The following KIF13B variants were observed in gnomAD, a reference collection of about 807,000 sequenced individuals.
The protein encoded by KIF13B is kinesin-like protein KIF13B.
In KIF13B, 127 loss-of-function variants were observed where a neutral mutation model predicts 222.0. The observed-to-expected ratio is 0.57, with a 90% CI of 0.50 to 0.66. KIF13B has a LOEUF of 0.66. KIF13B is among the 30% of genes least tolerant of loss of function. KIF13B has a pLI of 0.00. For missense variants in KIF13B, 2,173 were observed against 2,379.0 expected (o/e 0.91, Z 1.80); for synonymous variants, 976 against 919.0 (o/e 1.06, Z -1.12).
intron 29 of KIF13B, 35 bp from the exon 30 acceptor site, chr8:29,119,027 C>G: frequency 6.3e-7 from 1 of 1,599,924 alleles, no homozygotes; most frequent in Non-Finnish European, 8.5e-7. Flanking sequence ...ATACTGAGAT[C>G]ATTTTCAAGG....
chr8:29,177,703 AACAGCCTGGGCAAC>A (rs1378574599), intron 8 of KIF13B, 125 bp from the exon 9 acceptor site: 18 of 704,104 alleles, frequency 2.6e-5, no homozygotes, highest in Non-Finnish European at 4.1e-5. Context: ...GGATTTCAAA[AACAGCCTGGGCAAC>A]ACAGCAAAAT....
At chr8:29,232,609 C>CT (rs896098229) in intron 2 of KIF13B, among the ~76,000 whole-genome samples, 13 of 151,700 alleles carry the variant, frequency 8.6e-5, no homozygotes, top group Non-Finnish European at 7.4e-5. Context: ...TTACAGTTTT[C>CT]TTTTTTTTAC....
chr8:29,071,247 C>T lies in KIF13B; in HGVS notation c.5218+373G>A, dbSNP rs181238074. On this transcript the variant is annotated intron_variant, in intron 39 of 39. Coordinates refer to ENST00000524189, the MANE Select transcript of KIF13B (RefSeq NM_015254.4). The surrounding 1 kb of genome is among the most constrained non-coding windows in gnomAD (Gnocchi z 4.9). ...GAGTCAGAGGCCAGCGAGATGTGTCCGGATGGGGTGAGGAAGAGCCTCCTG... is the reference window on the plus strand; with the variant it reads ...GAGTCAGAGGCCAGCGAGATGTGTCTGGATGGGGTGAGGAAGAGCCTCCTG... Among the ~76,000 whole-genome samples the T allele has an allele frequency of 8.5e-5, 13 of 152,240 alleles. No homozygotes were observed. Among genetic ancestry groups the T allele is most frequent in the Admixed American group, 4.6e-4 (7 of 15,292 alleles).
intron 6 of KIF13B, among the ~76,000 whole-genome samples, chr8:29,185,504 C>T (rs181913494): frequency 5.1e-4 from 78 of 152,320 alleles, no homozygotes; most frequent in Middle Eastern, 6.8e-3. Context: ...CACTGAGCAT[C>T]AATTCAATCT....
Position 29,068,073 on chromosome 8 carries a change from A to C in KIF13B, c.*2431T>G, listed in dbSNP as rs952629819. On this transcript the variant is annotated 3_prime_UTR_variant, in exon 40 of 40. Coordinates refer to ENST00000524189, the MANE Select transcript of KIF13B (RefSeq NM_015254.4). The surrounding 1 kb of genome is among the most constrained non-coding windows in gnomAD (Gnocchi z 4.4). The stretch of plus-strand genomic sequence containing the variant: ...CACACAATGGGGAGGCAGGGCCCCC[A>C]GAAGCATCCCCCACCCCCATCTCTG... The C allele has an allele frequency of 1.3e-5, 2 of 152,368 alleles. No individual in the cohort carries two copies. The highest frequency in any genetic ancestry group is 4.8e-5 in the African/African-American group (2 of 41,426). 9.4% of individuals were successfully genotyped at this position (152,368 alleles called of 1,614,324 possible).
chr8:29,148,636 A>T lies in KIF13B; in HGVS notation c.1754T>A (p.Val585Asp), dbSNP rs74341557. ...CTGTGCGTATTCGTAATTAAAGTTA[A>T]CTTCACTGGACACCTCGCTGGAGGA... is the stretch of plus-strand genomic sequence containing the variant. ...GDSSSEVSSE[V>D]NFNYEYAQME... Residue 585 changes from valine to aspartate, a missense_variant, in exon 16 of 40, where the codon GTT becomes GAT. Physicochemically the swap from Val to Asp is radical, Grantham distance 152. This residue lies in a region of KIF13B where 1,480 missense variants were observed against 1,722.8 expected (regional missense o/e 0.86). Coordinates refer to ENST00000524189, the MANE Select transcript of KIF13B (RefSeq NM_015254.4). 3.9e-4 allele frequency: 630 copies of T among 1,612,834 alleles called. 3 individuals carry two copies. In the African/African-American group the frequency reaches 7.7e-3, roughly 20 times the overall value.
In KIF13B at chr8:29,122,404, T is replaced by C. The variant is rs79250729; in HGVS notation, c.3535+187A>G. Among the ~76,000 whole-genome samples the C allele has an allele frequency of 4.9e-3, 739 of 152,346 alleles. 6 individuals carry two copies. Among genetic ancestry groups the C allele is most frequent in the Non-Finnish European group, 5.3e-3 (361 of 68,034 alleles). ...GGAGTATGGTGAAGCACGCCTATTA[T>C]TGTCATAAACATGAGACTATGACAC... On this transcript the variant is annotated intron_variant, in intron 29 of 39. Transcript: ENST00000524189.
At chr8:29,138,804 G>T (rs4732906) in intron 21 of KIF13B, among the ~76,000 whole-genome samples, 5 of 152,150 alleles carry the variant, frequency 3.3e-5, no homozygotes, top group East Asian at 1.9e-4. Flanking sequence ...AAGAGAAAGC[G>T]AGCGAGTGAG....
At position 29,228,472 on chromosome 8, in the gene KIF13B, A is replaced by AAAATATATATATATATATATATATAT; in HGVS notation, c.149+16873_149+16874insATATATATATATATATATATATATTT. 4.3e-5 allele frequency among the ~76,000 whole-genome samples: 5 copies of AAAATATATATATATATATATATATAT among 117,074 alleles called. No individual in the cohort carries two copies. The South Asian group carries it at 8.6e-4, about 20-fold the overall frequency. The allele number at this position is 117,074 out of a possible 152,430, so 76.8% of individuals were successfully genotyped here. On this transcript the variant is annotated intron_variant, in intron 2 of 39. Coordinates refer to ENST00000524189, the MANE Select transcript of KIF13B (RefSeq NM_015254.4). ...ACAGAGCCAGACTCCATCTTAAAAA[A>AAAATATATATATATATATATATATAT]ATATATATATATATATATGAGATAC...
intron 35 of KIF13B, among the ~76,000 whole-genome samples, chr8:29,104,329 C>A (rs1448188160): frequency 6.6e-6 from 1 of 152,126 alleles, no homozygotes; most frequent in African/African-American, 2.4e-5. Flanking sequence ...CCCGATGTCA[C>A]CCAAGTCCCC....
At chr8:29,073,018 G>C (rs1288501265) in intron 38 of KIF13B, among the ~76,000 whole-genome samples, 5 of 151,748 alleles carry the variant, frequency 3.3e-5, no homozygotes, top group African/African-American at 7.3e-5. Context: ...CCAACAAGGA[G>C]CCACGGGCCT....
At chr8:29,177,148 C>T (rs1047664548) in intron 9 of KIF13B, among the ~76,000 whole-genome samples, 3 of 152,066 alleles carry the variant, frequency 2.0e-5, no homozygotes, top group African/African-American at 7.2e-5. Flanking sequence ...GGGGAAGAGG[C>T]GGCAGCTACT....
intron 38 of KIF13B, among the ~76,000 whole-genome samples, chr8:29,074,790 AG>A (rs1807475517): frequency 6.6e-6 from 1 of 152,258 alleles, no homozygotes. Context: ...AATTTTCCTA[AG>A]AAGATACAGC....
chr8:29,092,598 C>G, intron 37 of KIF13B, 147 bp downstream of exon 37: 2 of 746,002 alleles, frequency 2.7e-6, no homozygotes, highest in African/African-American at 3.6e-5. Flanking sequence ...AAGAGAGTGG[C>G]GGAGAAAAGA....
At position 29,105,650 on chromosome 8, in the gene KIF13B, G is replaced by GTTTTTT. The variant is rs869030059; in HGVS notation, c.4215+2483_4215+2488dup. Among the ~76,000 whole-genome samples the GTTTTTT allele has an allele frequency of 2.7e-3, 213 of 78,072 alleles. 56 individuals are homozygous for GTTTTTT. The highest frequency in any genetic ancestry group is 7.0e-3 in the African/African-American group (126 of 17,930). 51.2% of individuals were successfully genotyped at this position (78,072 alleles called of 152,430 possible). A position where few individuals can be genotyped will look rare whatever the true frequency, so the allele number is the denominator to read the frequency against. On this transcript the variant is annotated intron_variant, in intron 35 of 39. Transcript: ENST00000524189. ...AAGGAAACTGGGCAGAGTTTGTTTGGTTTTTTTTTTTTTTTTTTTTTTTTT... is the reference window on the plus strand; with the variant it reads ...AAGGAAACTGGGCAGAGTTTGTTTGGTTTTTTTTTTTTTTTTTTTTTTTTTTTTTTT...
chr8:29,109,955 G>T lies in KIF13B; in HGVS notation c.4046C>A (p.Ala1349Asp). ...ATCTAAAGTCAGGAGGTTTTCTACA[G>T]CCAGCACGCTCCTGAGGTACTTTTC... is the stretch of plus-strand genomic sequence containing the variant. ...YIEKYLRSVL[A>D]VENLLTLDRL... is the part of the protein sequence containing the mutation. The change falls in exon 33 of 40, where the codon GCT becomes GAT. Residue 1349 changes from alanine (A) to aspartate (D), a missense_variant. Ala to Asp is a moderately radical substitution (Grantham distance 126). Around this residue, in one of 2 missense-constraint regions of KIF13B, gnomAD observed 1,480 missense variants for 1,722.8 expected, o/e 0.86. Coordinates refer to ENST00000524189, the MANE Select transcript of KIF13B (RefSeq NM_015254.4). The T allele has an allele frequency of 6.2e-7, 1 of 1,613,496 alleles. No homozygotes were observed. Among genetic ancestry groups the T allele is most frequent in the East Asian group, 2.2e-5 (1 of 44,884 alleles).
chr8:29,143,052 C>T (rs1810890160), intron 18 of KIF13B, among the ~76,000 whole-genome samples: 1 of 152,048 alleles, frequency 6.6e-6, no homozygotes, highest in Admixed American at 6.6e-5. Flanking sequence ...CAGGGTCTTG[C>T]TATATGGCCA....
chr8:29,163,295 T>C (rs1366979055), intron 12 of KIF13B, among the ~76,000 whole-genome samples: 5 of 152,130 alleles, frequency 3.3e-5, no homozygotes, highest in East Asian at 3.8e-4. Context: ...TGGTGAAGTA[T>C]TGGATGATGT....
Position 29,175,992 on chromosome 8 carries a change from T to C in KIF13B, c.945+76A>G, listed in dbSNP as rs1812461589. 8.8e-6 allele frequency: 7 copies of C among 796,734 alleles called. 1 individual carries two copies. Among genetic ancestry groups the C allele is most frequent in the South Asian group, 5.8e-5 (4 of 68,508 alleles). 49.4% of individuals were successfully genotyped at this position (796,734 alleles called of 1,614,324 possible). A position where few individuals can be genotyped will look rare whatever the true frequency, so the allele number is the denominator to read the frequency against. ...TAGAGGAAATGATACCTGGAAGGGA[T>C]TAACAGTCTACTCTTTTTTCTTCCT... On this transcript the variant is annotated intron_variant, in intron 10 of 39. Transcript: ENST00000524189.
Sources: allele counts gnomAD v4.1 joint callset (sites outside exome capture counted in the v4.1 genomes callset), GRCh38; gene constraint gnomAD v4.1.1; regional missense constraint gnomAD v4.1.1; non-coding constraint Gnocchi (gnomAD v3.1); transcripts MANE v1.5; gene names NCBI Gene and HGNC (gene_info 2026-07-23, HGNC 2026-07-21).